DACH1: variants seen among roughly 807,000 people sequenced by gnomAD.
DACH1 encodes the protein dachshund homolog 1.
In DACH1, 12 loss-of-function variants were observed where a neutral mutation model predicts 54.2. The ratio of observed to expected loss-of-function variants is 0.22; its 90% confidence interval spans 0.14 to 0.36. The LOEUF (loss-of-function observed/expected upper bound fraction) is 0.36. Among genes scored for constraint, DACH1 ranks in the 10% least tolerant of loss-of-function variants. The pLI, the probability that DACH1 is intolerant of heterozygous loss-of-function variation, is 1.00. For synonymous variants in DACH1, 386 were observed against 366.2 expected (o/e 1.05, Z -0.62); for missense variants, 805 against 929.8 (o/e 0.87, Z 1.75).
intron 1 of DACH1, among the ~76,000 whole-genome samples, chr13:71,718,430 A>G (rs918895194): frequency 2.0e-5 from 3 of 152,000 alleles, no homozygotes; most frequent in African/African-American, 7.2e-5. Context: ...ACTAAAAATT[A>G]AAACAAAATT....
Position 71,818,276 on chromosome 13 carries a change from A to G in DACH1, c.848+47646T>C, listed in dbSNP as rs536321310. ...GGGAAAACAGGGTGGCCTGATAGAAAGTATGCTGGGTGCAAGTGTGCTTTC... is the reference window on the plus strand; with the variant it reads ...GGGAAAACAGGGTGGCCTGATAGAAGGTATGCTGGGTGCAAGTGTGCTTTC... On this transcript the variant is annotated intron_variant, in intron 1 of 10. Coordinates refer to ENST00000613252, the MANE Select transcript of DACH1 (RefSeq NM_080759.6). 3.9e-5 allele frequency among the ~76,000 whole-genome samples: 6 copies of G among 152,344 alleles called. No homozygotes were observed. The East Asian group carries it at 7.7e-4, about 20-fold the overall frequency.
chr13:71,740,142 A>G (rs1884319754), intron 1 of DACH1, among the ~76,000 whole-genome samples: 1 of 152,216 alleles, frequency 6.6e-6, no homozygotes. Flanking sequence ...GTAGTTCAAC[A>G]ACTGTTGGAT....
intron 8 of DACH1, among the ~76,000 whole-genome samples, chr13:71,476,297 C>A (rs979520362): frequency 1.3e-5 from 2 of 152,120 alleles, no homozygotes; most frequent in African/African-American, 4.8e-5. Context: ...GCAAATGGAG[C>A]ATCTCCCCTA....
chr13:71,860,720 T>C (rs1874296640), intron 1 of DACH1, among the ~76,000 whole-genome samples: 1 of 151,936 alleles, frequency 6.6e-6, no homozygotes, highest in African/African-American at 2.4e-5. Context: ...ATGTTGCTCA[T>C]ACAATGCAAT....
At chr13:71,494,257 G>T (rs531296758) in intron 6 of DACH1, among the ~76,000 whole-genome samples, 1 of 152,068 alleles carries the variant, frequency 6.6e-6, no homozygotes, top group Admixed American at 6.6e-5. Flanking sequence ...TTGATACTTT[G>T]AATTTTGATT....
At position 71,559,904 on chromosome 13, in the gene DACH1, T is replaced by C. The variant is rs374218254; in HGVS notation, c.1351A>G (p.Arg451Gly). Residue 451 changes from arginine (R) to glycine (G), a missense_variant, in exon 5 of 11, where the codon AGG becomes GGG. Transcript: ENST00000613252. Reference sequence around the variant, plus strand: ...TGTGATGATGGGTGACTGCCAGGCCTTCTCCCCTCCTCCAGAGAGGGGGCA... The same window carrying C: ...TGTGATGATGGGTGACTGCCAGGCCCTCTCCCCTCCTCCAGAGAGGGGGCA... The part of the protein sequence containing the change: ...SPAPSLEEGR[R>G]PGSHPSSHRS... 5.0e-6 allele frequency: 8 copies of C among 1,608,704 alleles called. No homozygotes were observed. The African/African-American group carries it at 9.4e-5, about 19-fold the overall frequency.
At chr13:71,616,223 G>A (rs1241545464) in intron 3 of DACH1, among the ~76,000 whole-genome samples, 2 of 152,086 alleles carry the variant, frequency 1.3e-5, no homozygotes, top group South Asian at 2.1e-4. Context: ...GCTTTGGGGA[G>A]ACTAGAGGTA....
intron 2 of DACH1, among the ~76,000 whole-genome samples, chr13:71,651,589 A>G (rs1878672071): frequency 6.6e-6 from 1 of 151,852 alleles, no homozygotes; most frequent in Non-Finnish European, 1.5e-5. Context: ...TGAGGCCAGG[A>G]AGTCAAGGCT....
chr13:71,547,624 G>C (rs1883543694), intron 6 of DACH1, among the ~76,000 whole-genome samples: 1 of 152,028 alleles, frequency 6.6e-6, no homozygotes, highest in South Asian at 2.1e-4. Context: ...TTAAGTGGTA[G>C]TAAGCAAGGA....
intron 1 of DACH1, among the ~76,000 whole-genome samples, chr13:71,799,896 G>C (rs1887220432): frequency 6.6e-6 from 1 of 152,100 alleles, no homozygotes; most frequent in African/African-American, 2.4e-5. Flanking sequence ...GATTGTTCAT[G>C]TGTCTTATAT....
chr13:71,759,373 C>A (rs550426839), intron 1 of DACH1, among the ~76,000 whole-genome samples: 2 of 151,490 alleles, frequency 1.3e-5, no homozygotes, highest in South Asian at 4.2e-4. Context: ...TAAGTTCATT[C>A]CCCCCAACCC....
intron 1 of DACH1, among the ~76,000 whole-genome samples, chr13:71,769,219 T>G (rs1430423734): frequency 1.3e-5 from 2 of 151,820 alleles, no homozygotes; most frequent in African/African-American, 4.8e-5. Flanking sequence ...CACATACTCT[T>G]CATATTTAAA....
intron 6 of DACH1, among the ~76,000 whole-genome samples, chr13:71,506,198 C>T (rs1487730242): frequency 6.6e-6 from 1 of 151,268 alleles, no homozygotes; most frequent in Non-Finnish European, 1.5e-5. Context: ...AGGTTAGTTA[C>T]ATATGTATAC....
intron 7 of DACH1, among the ~76,000 whole-genome samples, chr13:71,486,851 T>G: frequency 7.4e-6 from 1 of 134,632 alleles, no homozygotes; most frequent in Admixed American, 7.6e-5. Context: ...TATCTATCTA[T>G]CTATCTATCT....
At chr13:71,822,245 G>T (rs948715086) in intron 1 of DACH1, among the ~76,000 whole-genome samples, 1 of 152,134 alleles carries the variant, frequency 6.6e-6, no homozygotes, top group African/African-American at 2.4e-5. Context: ...AAAAGGAAAT[G>T]TGATTTCCAC....
intron 1 of DACH1, among the ~76,000 whole-genome samples, chr13:71,779,114 T>C (rs1316327908): frequency 7.3e-6 from 1 of 136,124 alleles, no homozygotes; most frequent in Non-Finnish European, 1.6e-5. Flanking sequence ...TATATATACA[T>C]ATATACACAT....
intron 2 of DACH1, among the ~76,000 whole-genome samples, chr13:71,652,271 CT>C (rs1298156770): frequency 1.3e-5 from 2 of 152,124 alleles, no homozygotes; most frequent in African/African-American, 4.8e-5. Context: ...GTTACTGTCC[CT>C]TTATCTTCCC....
At chr13:71,728,117 T>C (rs372882522) in intron 1 of DACH1, among the ~76,000 whole-genome samples, 8 of 152,202 alleles carry the variant, frequency 5.3e-5, no homozygotes, top group East Asian at 3.9e-4. Context: ...GTCAATTAAA[T>C]GTCAATTAAA....
chr13:71,545,038 C>T (rs900026567), intron 6 of DACH1, among the ~76,000 whole-genome samples: 7 of 152,036 alleles, frequency 4.6e-5, no homozygotes, highest in African/African-American at 1.7e-4. Flanking sequence ...TGATAGGACC[C>T]TGAGTGATAT....
Sources: allele counts gnomAD v4.1 joint callset (sites outside exome capture counted in the v4.1 genomes callset), GRCh38; gene constraint gnomAD v4.1.1; transcripts MANE v1.5; gene names NCBI Gene and HGNC (gene_info 2026-07-23, HGNC 2026-07-21).